The following KIAA1328 variants were observed in gnomAD, a reference collection of about 807,000 sequenced individuals.
The protein encoded by KIAA1328 is protein hinderin.
Under a neutral mutation model 68.1 loss-of-function variants are expected in KIAA1328, and 52 were observed. The ratio of observed to expected loss-of-function variants is 0.76; its 90% CI spans 0.61 to 0.96. The LOEUF (loss-of-function observed/expected upper bound fraction) is 0.96, where lower values mean the gene tolerates loss of function less well. Among genes scored for constraint, KIAA1328 ranks in the 40% least tolerant of loss-of-function variants. KIAA1328 has a pLI of 0.00. For missense variants in KIAA1328, 641 were observed against 677.6 expected (o/e 0.95, Z 0.60); for synonymous variants, 232 against 239.4 (o/e 0.97, Z 0.28).
chr18:37,043,407 T>A (rs2055338926), intron 6 of KIAA1328, among the ~76,000 whole-genome samples: 2 of 152,222 alleles, frequency 1.3e-5, no homozygotes, highest in Non-Finnish European at 2.9e-5. Context: ...CGAAAGTTGT[T>A]ATTGCTGTCA....
intron 7 of KIAA1328, among the ~76,000 whole-genome samples, chr18:37,085,961 A>T (rs2057090754): frequency 6.6e-6 from 1 of 152,184 alleles, no homozygotes; most frequent in Non-Finnish European, 1.5e-5. Flanking sequence ...TCTTAAATTT[A>T]ATTTTGTATA....
At chr18:37,123,133 T>C (rs2058312309) in intron 7 of KIAA1328, among the ~76,000 whole-genome samples, 1 of 152,198 alleles carries the variant, frequency 6.6e-6, no homozygotes, top group Non-Finnish European at 1.5e-5. Context: ...ACAGGATGGC[T>C]GTGAGACTGA....
chr18:36,835,253 TG>T lies in KIAA1328; in HGVS notation c.115del (p.Val39SerfsTer7), dbSNP rs1461404491. ...CCTTAGGAATTTCTGCTGAAGGAAA[TG>T]TCAGATCAAGACACAAGCTGATGAG... ...YVPGISAEGN[V>X]RSRHKLMSPK... On this transcript the variant is annotated frameshift_variant, in exon 3 of 10. Coordinates refer to ENST00000280020, the MANE Select transcript of KIAA1328 (RefSeq NM_020776.3). LOFTEE classifies it high-confidence loss of function. 6.2e-7 allele frequency: 1 copy of T among 1,611,758 alleles called. No homozygotes were observed. Among genetic ancestry groups the T allele is most frequent in the Non-Finnish European group, 8.5e-7 (1 of 1,179,078 alleles).
At chr18:36,976,415 G>A (rs879260959) in intron 6 of KIAA1328, among the ~76,000 whole-genome samples, 16 of 152,068 alleles carry the variant, frequency 1.1e-4, no homozygotes, top group East Asian at 5.8e-4. Context: ...TGAAACAAAC[G>A]TAATATAAAT....
chr18:37,096,560 C>A (rs925291847), intron 7 of KIAA1328, among the ~76,000 whole-genome samples: 4 of 152,182 alleles, frequency 2.6e-5, no homozygotes, highest in African/African-American at 9.7e-5. Context: ...GTCTTTATAG[C>A]AGCATGATTT....
At chr18:37,114,623 T>G (rs1429387063) in intron 7 of KIAA1328, among the ~76,000 whole-genome samples, 3 of 152,030 alleles carry the variant, frequency 2.0e-5, no homozygotes, top group African/African-American at 7.2e-5. Context: ...AGCAAACACA[T>G]TCAAAAGCTA....
intron 3 of KIAA1328, 87 bp from the exon 4 acceptor site, chr18:36,844,121 A>T: frequency 1.3e-6 from 1 of 785,962 alleles, no homozygotes; most frequent in Non-Finnish European, 2.0e-6. Context: ...AAAGATATCT[A>T]AGAAATTTCA....
downstream of KIAA1328, among the ~76,000 whole-genome samples, chr18:37,227,958 T>C (rs1031540338): frequency 2.0e-5 from 3 of 152,124 alleles, no homozygotes; most frequent in African/African-American, 7.2e-5. Context: ...TTGTGATTCA[T>C]GGGAGAAGGT....
rs539179533 is a variant in KIAA1328 at position 37,067,418 on chromosome 18, C to G, written c.1105C>G (p.Gln369Glu). ...GCAGATCTCAGAAGATAGAAAGCAGCAACTGATGCTTCAGAAAATGGAACT... is the reference window on the plus strand; with the variant it reads ...GCAGATCTCAGAAGATAGAAAGCAGGAACTGATGCTTCAGAAAATGGAACT... The part of the protein sequence containing the change: ...KKQISEDRKQ[Q>E]LMLQKMELEI... Residue 369 changes from glutamine (Q) to glutamate (E), a missense_variant, in exon 7 of 10, where the codon CAA (glutamine) becomes GAA (glutamate). By Grantham distance (29) the Gln-to-Glu change is conservative (BLOSUM62 2). Transcript: ENST00000280020. The G allele has an allele frequency of 6.2e-7, 1 of 1,608,008 alleles. No individual in the cohort carries two copies. Among genetic ancestry groups the G allele is most frequent in the Admixed American group, 1.7e-5 (1 of 58,858 alleles).
At chr18:37,070,057 T>A (rs1632642) in intron 7 of KIAA1328, among the ~76,000 whole-genome samples, 40,431 of 151,924 alleles carry the variant, frequency 0.27, 8,472 homozygotes, top group African/African-American at 0.59. Context: ...TTTTGGGGTA[T>A]CTTTTGAAAC....
chr18:37,062,844 C>G (rs1388377198), intron 6 of KIAA1328, among the ~76,000 whole-genome samples: 1 of 152,084 alleles, frequency 6.6e-6, no homozygotes, highest in Non-Finnish European at 1.5e-5. Context: ...ATTGCTTAGG[C>G]AATTTGAGTA....
At chr18:36,878,877 G>A (rs868269175) in intron 4 of KIAA1328, among the ~76,000 whole-genome samples, 18 of 152,154 alleles carry the variant, frequency 1.2e-4, no homozygotes, top group African/African-American at 3.6e-4. Context: ...GGTCATTTAT[G>A]TTCTTCTCTG....
In KIAA1328 at chr18:36,881,136, G is replaced by GTTT. The variant is rs765071340; in HGVS notation, c.333-4409_333-4407dup. Reference sequence around the variant, plus strand: ...CCAGTAAGTATTAGAAAGTTAACTTGTTTTTTTTTTTTTTGGTTGCCAGTT... The same window carrying GTTT: ...CCAGTAAGTATTAGAAAGTTAACTTGTTTTTTTTTTTTTTTTTGGTTGCCAGTT... On this transcript the variant is annotated intron_variant, in intron 4 of 9. Coordinates refer to ENST00000280020, the MANE Select transcript of KIAA1328 (RefSeq NM_020776.3). Among the ~76,000 whole-genome samples, 1,132 of 131,656 alleles carry GTTT rather than the reference G, an allele frequency of 8.6e-3. 16 individuals are homozygous for GTTT. Among genetic ancestry groups the GTTT allele is most frequent in the African/African-American group, 0.028 (1,081 of 38,536 alleles). 86.4% of individuals were successfully genotyped at this position (131,656 alleles called of 152,430 possible).
intron 9 of KIAA1328, among the ~76,000 whole-genome samples, chr18:37,199,159 T>C (rs2060060046): frequency 1.3e-5 from 2 of 152,224 alleles, no homozygotes; most frequent in African/African-American, 4.8e-5. Context: ...GGTAAACGTG[T>C]GTCATGGGGG....
At chr18:36,973,812 TAC>T (rs761416952) in intron 6 of KIAA1328, among the ~76,000 whole-genome samples, 2 of 103,594 alleles carry the variant, frequency 1.9e-5, no homozygotes, top group African/African-American at 7.5e-5. Context: ...TGTACGCACA[TAC>T]ACACACACAC....
intron 9 of KIAA1328, among the ~76,000 whole-genome samples, chr18:37,211,644 G>C (rs2060318284): frequency 6.6e-6 from 1 of 152,188 alleles, no homozygotes; most frequent in South Asian, 2.1e-4. Flanking sequence ...TTGGAATTCT[G>C]AAGGTAATTT....
intron 7 of KIAA1328, among the ~76,000 whole-genome samples, chr18:37,128,590 T>A (rs1373647522): frequency 3.9e-5 from 6 of 152,150 alleles, no homozygotes; most frequent in African/African-American, 1.4e-4. Context: ...TTTAAAATAG[T>A]TTGGGAAGTT....
At chr18:37,046,494 G>A (rs905601467) in intron 6 of KIAA1328, among the ~76,000 whole-genome samples, 1 of 152,126 alleles carries the variant, frequency 6.6e-6, no homozygotes, top group South Asian at 2.1e-4. Flanking sequence ...TCCTCCACTA[G>A]CACTTCTTTT....
At chr18:37,135,208 A>G (rs904179598) in intron 7 of KIAA1328, among the ~76,000 whole-genome samples, 2 of 152,146 alleles carry the variant, frequency 1.3e-5, no homozygotes, top group Non-Finnish European at 2.9e-5. Flanking sequence ...TCTTTGGGAT[A>G]TACACCTAAT....
Sources: gnomAD v4.1 joint callset for allele counts (sites outside exome capture counted in the v4.1 genomes callset) on GRCh38, gnomAD v4.1.1 for gene constraint, MANE v1.5 for transcripts, NCBI Gene and HGNC (gene_info 2026-07-23, HGNC 2026-07-21) for gene names.